Variants in ADGRL3 observed in about 807,000 individuals in gnomAD.
The protein encoded by ADGRL3 is calcium-independent alpha-latrotoxin receptor 3.
A neutral mutation model predicts 153.5 loss-of-function variants in ADGRL3; 62 were observed. The ratio of observed to expected loss-of-function variants is 0.40; its 90% confidence interval spans 0.33 to 0.50. The LOEUF (loss-of-function observed/expected upper bound fraction) is 0.50, where lower values mean the gene tolerates loss of function less well. ADGRL3 is among the 20% of genes least tolerant of loss of function. ADGRL3 has a pLI of 0.47. For synonymous variants in ADGRL3, 710 were observed against 672.5 expected, an observed-to-expected ratio of 1.06 and a Z score of -0.86; for missense variants, 1,641 against 1,859.4, an observed-to-expected ratio of 0.88 and a Z score of 2.16.
chr4:61,550,483 G>GTT (rs2098735174), intron 4 of ADGRL3, among the ~76,000 whole-genome samples: 1 of 151,890 alleles, frequency 6.6e-6, no homozygotes, highest in Non-Finnish European at 1.5e-5. Context: ...GCATGCATGT[G>GTT]TATATACCCC....
At chr4:61,745,108 G>T (rs1017106356) in intron 8 of ADGRL3, among the ~76,000 whole-genome samples, 11 of 152,096 alleles carry the variant, frequency 7.2e-5, no homozygotes, top group South Asian at 2.1e-4. Context: ...TGGAATAAAG[G>T]GTATCAGTGA....
At chr4:61,753,264 C>A (rs373677580) in intron 8 of ADGRL3, among the ~76,000 whole-genome samples, 1 of 148,526 alleles carries the variant, frequency 6.7e-6, no homozygotes, top group Admixed American at 6.7e-5. Flanking sequence ...AAAAAGATAA[C>A]TGGTTAGAAC....
intron 8 of ADGRL3, among the ~76,000 whole-genome samples, chr4:61,791,065 T>C (rs1169204931): frequency 6.6e-6 from 1 of 152,074 alleles, no homozygotes; most frequent in Non-Finnish European, 1.5e-5. Context: ...ATCATTCCAC[T>C]TCTAGCCCCT....
intron 1 of ADGRL3, among the ~76,000 whole-genome samples, chr4:61,346,781 C>CAAAAAAAAAAAAAA (rs748059859): frequency 2.2e-5 from 1 of 44,738 alleles, no homozygotes; most frequent in Non-Finnish European, 4.9e-5. Context: ...AGACCTGTCT[C>CAAAAAAAAAAAAAA]AAAAAAAAAA....
intron 11 of ADGRL3, among the ~76,000 whole-genome samples, chr4:61,909,355 T>G (rs563054254): frequency 6.6e-6 from 1 of 152,324 alleles, no homozygotes; most frequent in African/African-American, 2.4e-5. Context: ...AGGAGCTTTC[T>G]GAAGACATGC....
chr4:61,275,036 G>A (rs2093394156), intron 1 of ADGRL3, among the ~76,000 whole-genome samples: 1 of 152,124 alleles, frequency 6.6e-6, no homozygotes, highest in African/African-American at 2.4e-5. Context: ...TTTTTCTAGG[G>A]TTCACTGTTC....
At chr4:62,004,643 A>G (rs1175243597) in intron 21 of ADGRL3, among the ~76,000 whole-genome samples, 1 of 152,050 alleles carries the variant, frequency 6.6e-6, no homozygotes, top group Middle Eastern at 3.2e-3. Context: ...ATATTTAGAG[A>G]TAGTACGTTT....
chr4:61,458,092 T>C (rs1424635307), intron 2 of ADGRL3, among the ~76,000 whole-genome samples: 1 of 151,818 alleles, frequency 6.6e-6, no homozygotes, highest in Non-Finnish European at 1.5e-5. Flanking sequence ...TACCTAAAAA[T>C]AGATTGTATA....
At chr4:61,382,851 G>A (rs1419873647) in intron 1 of ADGRL3, among the ~76,000 whole-genome samples, 1 of 151,730 alleles carries the variant, frequency 6.6e-6, no homozygotes, top group African/African-American at 2.4e-5. Context: ...AACTGTTATA[G>A]TCTTTTAATT....
intron 9 of ADGRL3, among the ~76,000 whole-genome samples, chr4:61,836,927 A>G (rs74882146): frequency 0.015 from 2,306 of 152,258 alleles, 54 homozygotes; most frequent in African/African-American, 0.049. Flanking sequence ...AGAAATTGCA[A>G]TACCAAATAA....
chr4:61,684,711 A>G (rs1353993511), intron 6 of ADGRL3, among the ~76,000 whole-genome samples: 1 of 152,036 alleles, frequency 6.6e-6, no homozygotes, highest in East Asian at 1.9e-4. Context: ...GGGCAACAAC[A>G]GGCTAGCTCT....
chr4:61,776,318 G>A (rs2152341459), intron 8 of ADGRL3, among the ~76,000 whole-genome samples: 1 of 152,276 alleles, frequency 6.6e-6, no homozygotes, highest in South Asian at 2.1e-4. Flanking sequence ...TGAGCAAGAA[G>A]ACTATTATAT....
chr4:61,518,789 C>A (rs889743684), intron 4 of ADGRL3, among the ~76,000 whole-genome samples: 5 of 152,142 alleles, frequency 3.3e-5, no homozygotes, highest in Non-Finnish European at 5.9e-5. Flanking sequence ...AGAATGGACT[C>A]CAGTGTGTTC....
At chr4:61,543,832 A>G (rs1327206208) in intron 4 of ADGRL3, among the ~76,000 whole-genome samples, 2 of 152,160 alleles carry the variant, frequency 1.3e-5, no homozygotes, top group Non-Finnish European at 2.9e-5. Flanking sequence ...GTATTGCTAT[A>G]AAGTTTGTTC....
Position 61,907,243 on chromosome 4 carries a change from A to AT in ADGRL3, c.1888-2311dup, listed in dbSNP as rs577860791. 5.9e-5 allele frequency among the ~76,000 whole-genome samples: 9 copies of AT among 151,862 alleles called. No individual in the cohort carries two copies. The South Asian group carries it at 1.7e-3, about 28-fold the overall frequency. ...CACCCTAGGTAAAATGCTTGTATATATTTTTTCTATTTATTTATTTAGTTA... is the reference window on the plus strand; with the variant it reads ...CACCCTAGGTAAAATGCTTGTATATATTTTTTTCTATTTATTTATTTAGTTA... On this transcript the variant is annotated intron_variant, in intron 11 of 26. Coordinates refer to ENST00000683033, the MANE Select transcript of ADGRL3 (RefSeq NM_001387552.1).
At chr4:61,755,445 C>T (rs940471877) in intron 8 of ADGRL3, among the ~76,000 whole-genome samples, 84 of 152,190 alleles carry the variant, frequency 5.5e-4, no homozygotes, top group Admixed American at 9.8e-4. Flanking sequence ...TCATATCCTT[C>T]GCCCACTTTT....
intron 21 of ADGRL3, among the ~76,000 whole-genome samples, chr4:62,026,380 T>A (rs1242076489): frequency 6.6e-6 from 1 of 151,870 alleles, no homozygotes; most frequent in Non-Finnish European, 1.5e-5. Context: ...ATGTCACAGT[T>A]CACTTGTGGC....
chr4:61,765,594 C>G (rs950273735), intron 8 of ADGRL3, among the ~76,000 whole-genome samples: 3 of 151,978 alleles, frequency 2.0e-5, no homozygotes, highest in Non-Finnish European at 4.4e-5. Context: ...CGTCTGTTAT[C>G]AGACTGTATT....
At chr4:61,368,018 T>A (rs1164260120) in intron 1 of ADGRL3, among the ~76,000 whole-genome samples, 1 of 151,736 alleles carries the variant, frequency 6.6e-6, no homozygotes, top group South Asian at 2.1e-4. Context: ...ATGTGTTTTT[T>A]GGCTGCATAA....
Sources: gnomAD v4.1 joint callset for allele counts (sites outside exome capture counted in the v4.1 genomes callset) on GRCh38, gnomAD v4.1.1 for gene constraint, MANE v1.5 for transcripts, NCBI Gene and HGNC (gene_info 2026-07-23, HGNC 2026-07-21) for gene names.